Variants in NOSTRIN observed in about 807,000 individuals in gnomAD.
NOSTRIN encodes nitric oxide synthase trafficking, also known as BM247 homolog.
Under a neutral mutation model 59.0 loss-of-function variants are expected in NOSTRIN, and 63 were observed. That is an observed-to-expected ratio of 1.07 (90% CI 0.87 to 1.32). The LOEUF is 1.32. Ranked by LOEUF, NOSTRIN falls within the 40% of genes most tolerant of loss-of-function variation. The probability of loss-of-function intolerance (pLI) is 0.00; values close to 1 mark genes in which losing one functional copy is unlikely to be tolerated. For synonymous variants in NOSTRIN, 200 were observed against 165.4 expected (o/e 1.21, Z -1.61); for missense variants, 512 against 473.1 (o/e 1.08, Z -0.76).
At chr2:168,821,333 C>G (rs1216628280) in intron 2 of NOSTRIN, among the ~76,000 whole-genome samples, 1 of 152,236 alleles carries the variant, frequency 6.6e-6, no homozygotes. Flanking sequence ...ATTTAAACAG[C>G]TTGTTAATTT....
rs1053643852 is a variant in NOSTRIN, at chr2:168,865,232, A to G, written c.*262A>G. On this transcript the variant is annotated 3_prime_UTR_variant, in exon 16 of 16. Coordinates refer to ENST00000317647, the MANE Select transcript of NOSTRIN (RefSeq NM_001039724.4). ...TAGGAGACCCTAGAGATGATCCAGT[A>G]TAACCCCTGGTGTCACAGAAACAGA... is the stretch of plus-strand genomic sequence containing the variant. 2.6e-6 allele frequency: 1 copy of G among 385,700 alleles called. No individual in the cohort carries two copies. The highest frequency in any genetic ancestry group is 2.1e-5 in the African/African-American group (1 of 48,652). 23.9% of individuals were successfully genotyped at this position (385,700 alleles called of 1,614,324 possible).
intron 8 of NOSTRIN, among the ~76,000 whole-genome samples, chr2:168,849,579 C>T (rs1226462770): frequency 6.6e-6 from 1 of 151,050 alleles, no homozygotes; most frequent in Admixed American, 6.6e-5. Context: ...TGGCCTTGAA[C>T]TCCTGACCTC....
chr2:168,860,961 T>A, intron 14 of NOSTRIN, 52 bp downstream of exon 14: 2 of 1,149,190 alleles, frequency 1.7e-6, no homozygotes, highest in Non-Finnish European at 1.3e-6. Flanking sequence ...GCAGGGCACA[T>A]TGCTACATTT....
chr2:168,847,442 A>T (rs1260055971), intron 8 of NOSTRIN, among the ~76,000 whole-genome samples: 1 of 152,220 alleles, frequency 6.6e-6, no homozygotes, highest in Non-Finnish European at 1.5e-5. Context: ...ATGATTATAA[A>T]GAGGGGTCTA....
upstream of NOSTRIN, chr2:168,798,370 A>G (rs1450436324): frequency 1.3e-5 from 2 of 152,224 alleles, no homozygotes; most frequent in Admixed American, 1.3e-4. Context: ...AGCTTCTATT[A>G]CATTTGGGCT....
Position 168,823,279 on chromosome 2 carries a change from A to G in NOSTRIN, c.114-1355A>G, listed in dbSNP as rs575742769. On this transcript the variant is annotated intron_variant, in intron 2 of 15. Coordinates refer to ENST00000317647, the MANE Select transcript of NOSTRIN (RefSeq NM_001039724.4). ...GATCCGCCCACCTCGGCCTCCCAAAATGCTAGGATTACAGGCGTGAGCCAC... is the reference window on the plus strand; with the variant it reads ...GATCCGCCCACCTCGGCCTCCCAAAGTGCTAGGATTACAGGCGTGAGCCAC... 2.0e-3 allele frequency among the ~76,000 whole-genome samples: 297 copies of G among 152,068 alleles called. 1 individual carries two copies. Among genetic ancestry groups the G allele is most frequent in the African/African-American group, 6.1e-3 (255 of 41,498 alleles).
chr2:168,828,436 ATT>A lies in NOSTRIN; in HGVS notation c.278_279del (p.Ile93ArgfsTer23), dbSNP rs1259747839. On this transcript the variant is annotated frameshift_variant, in exon 5 of 16. Coordinates refer to ENST00000317647, the MANE Select transcript of NOSTRIN (RefSeq NM_001039724.4). LOFTEE classifies it high-confidence loss of function. The stretch of plus-strand genomic sequence containing the variant: ...TATTTCCAGAAAACTTGGCAAAGCA[ATT>A]GAATTGGAAGCAATAAAACCGACTT... ...ADLHQKLGKAIELEAIKPTYQ... is the reference protein window; with the variant it reads ...ADLHQKLGKAXELEAIKPTYQ... 1 of 871,004 alleles carries A rather than the reference ATT, an allele frequency of 1.1e-6. No individual in the cohort carries two copies. Among genetic ancestry groups the A allele is most frequent in the African/African-American group, 1.6e-5 (1 of 61,222 alleles). 54.0% of individuals were successfully genotyped at this position (871,004 alleles called of 1,614,324 possible).
At chr2:168,809,661 G>T (rs1005758173) in intron 1 of NOSTRIN, among the ~76,000 whole-genome samples, 1 of 150,410 alleles carries the variant, frequency 6.6e-6, no homozygotes, top group East Asian at 1.9e-4. Context: ...GTGCTGTAAG[G>T]GTAGGAAGGA....
upstream of NOSTRIN, among the ~76,000 whole-genome samples, chr2:168,799,334 A>G (rs1010006945): frequency 6.6e-6 from 1 of 152,170 alleles, no homozygotes. Context: ...GGTTGTTAAT[A>G]TTAATTCCAA....
intron 7 of NOSTRIN, among the ~76,000 whole-genome samples, chr2:168,835,040 G>A (rs1687636834): frequency 6.6e-6 from 1 of 151,918 alleles, no homozygotes; most frequent in Admixed American, 6.6e-5. Flanking sequence ...CTTAACTATA[G>A]TAAATTTAAA....
At chr2:168,854,879 A>G (rs758276188) in intron 10 of NOSTRIN, among the ~76,000 whole-genome samples, 7 of 152,194 alleles carry the variant, frequency 4.6e-5, no homozygotes, top group Non-Finnish European at 1.0e-4. Flanking sequence ...TGGAAAGAGC[A>G]TATGTGTTTT....
At chr2:168,815,119 A>G (rs1686331416) in intron 2 of NOSTRIN, among the ~76,000 whole-genome samples, 1 of 152,164 alleles carries the variant, frequency 6.6e-6, no homozygotes, top group South Asian at 2.1e-4. Flanking sequence ...CAGGCCAGAG[A>G]ATGTTTCCTT....
chr2:168,794,173 A>G (rs534959423), upstream of NOSTRIN, among the ~76,000 whole-genome samples: 348 of 152,292 alleles, frequency 2.3e-3, no homozygotes, highest in Non-Finnish European at 3.6e-3. Context: ...GTGCTTCATA[A>G]GACATCCCGG....
intron 1 of NOSTRIN, 84 bp from the exon 2 acceptor site, chr2:168,811,483 T>G: frequency 1.8e-6 from 1 of 567,642 alleles, no homozygotes; most frequent in Non-Finnish European, 3.1e-6. Flanking sequence ...TATAGTAGTT[T>G]TCTGAATTTA....
chr2:168,811,460 T>C (rs1686129160), intron 1 of NOSTRIN, 107 bp from the exon 2 acceptor site: 2 of 515,868 alleles, frequency 3.9e-6, no homozygotes, highest in East Asian at 3.4e-5. Flanking sequence ...TCCTTTATAA[T>C]GACAGTCATA....
chr2:168,834,155 C>G, intron 6 of NOSTRIN, 72 bp from the exon 7 acceptor site: 2 of 784,598 alleles, frequency 2.5e-6, no homozygotes. Flanking sequence ...TGCTTTGTTC[C>G]AAAAGAGGAG....
chr2:168,791,205 A>ATTG (rs1238382522), intron 2 of NOSTRIN, among the ~76,000 whole-genome samples: 1 of 151,910 alleles, frequency 6.6e-6, no homozygotes, highest in Non-Finnish European at 1.5e-5. Context: ...ATGTGTTCTC[A>ATTG]TTGTTCAATT....
chr2:168,802,733 A>AT, intron 1 of NOSTRIN, 60 bp downstream of exon 1: 1 of 847,034 alleles, frequency 1.2e-6, no homozygotes, highest in Non-Finnish European at 2.0e-6. Flanking sequence ...GTGGATTTGT[A>AT]TATTAATGGA....
intron 2 of NOSTRIN, among the ~76,000 whole-genome samples, chr2:168,791,518 G>A (rs1334474544): frequency 6.6e-6 from 1 of 152,142 alleles, no homozygotes; most frequent in African/African-American, 2.4e-5. Context: ...GTAATGGCAT[G>A]GCTGGGTCAA....
Sources: allele counts gnomAD v4.1 joint callset (sites outside exome capture counted in the v4.1 genomes callset), GRCh38; gene constraint gnomAD v4.1.1; transcripts MANE v1.5; gene names NCBI Gene and HGNC (gene_info 2026-07-23, HGNC 2026-07-21).